The following ZRSR2 variants were observed in gnomAD, a reference collection of about 807,000 sequenced individuals.
The protein encoded by ZRSR2 is zinc finger CCCH-type, RNA binding motif and serine/arginine rich 2, also known as U2 small nuclear ribonucleoprotein auxiliary factor 35 kDa subunit-related protein 2.
ZRSR2 carries 3 observed loss-of-function variants against 39.4 expected under a neutral mutation model. The observed-to-expected ratio is 0.08, with a 90% CI of 0.03 to 0.20. ZRSR2 has a LOEUF of 0.20. Among genes scored for constraint, ZRSR2 ranks in the 10% least tolerant of loss-of-function variants. The probability of loss-of-function intolerance (pLI) is 1.00; values close to 1 mark genes in which losing one functional copy is unlikely to be tolerated. For synonymous variants in ZRSR2, 137 were observed against 136.0 expected, an observed-to-expected ratio of 1.01 and a Z score of -0.05; for missense variants, 256 against 391.5, an observed-to-expected ratio of 0.65 and a Z score of 2.92.
intron 3 of ZRSR2, among the ~76,000 whole-genome samples, chrX:15,801,943 T>G (rs1384509551): frequency 8.9e-6 from 1 of 112,369 alleles, no homozygotes; most frequent in Non-Finnish European, 1.9e-5. Context: ...TTTTAAAATT[T>G]TTAACATTTT....
In ZRSR2 at chrX:15,809,230, G is replaced by A. The variant is rs1360795309; in HGVS notation, c.469G>A (p.Glu157Lys). The A allele has an allele frequency of 1.7e-6, 2 of 1,209,198 alleles. No homozygotes were observed. The highest frequency in any genetic ancestry group is 2.2e-6 in the Non-Finnish European group (2 of 894,121). Residue 157 changes from glutamate to lysine, a missense_variant, in exon 7 of 11, where the codon GAA becomes AAA. This residue lies in a region of ZRSR2 where 87 missense variants were observed against 111.7 expected (regional missense o/e 0.78). Coordinates refer to ENST00000307771, the MANE Select transcript of ZRSR2 (RefSeq NM_005089.4). ...LENGTTWQNP[E>K]PPVDFRVMEK... ...AAATGGTACCACATGGCAAAACCCA[G>A]AACCACCCGTGGATTTCAGAGTAAT...
intron 7 of ZRSR2, among the ~76,000 whole-genome samples, chrX:15,813,864 G>A (rs1418336881): frequency 9.0e-6 from 1 of 111,141 alleles, no homozygotes; most frequent in Non-Finnish European, 1.9e-5. Flanking sequence ...AAAATTTCAC[G>A]TTAATGAACG....
chrX:15,816,418 A>G (rs949814113), intron 8 of ZRSR2, among the ~76,000 whole-genome samples: 2 of 112,108 alleles, frequency 1.8e-5, no homozygotes, highest in Non-Finnish European at 3.8e-5. Context: ...TCCACCACCT[A>G]ACCCCCTTCT....
chrX:15,800,512 AAAAC>A (rs745435497), intron 3 of ZRSR2, among the ~76,000 whole-genome samples: 149 of 112,100 alleles, frequency 1.3e-3, no homozygotes, highest in African/African-American at 4.6e-3. Context: ...AAACAGAAAA[AAAAC>A]AAAAAAAATT....
chrX:15,808,148 C>A, intron 5 of ZRSR2, 85 bp from the exon 6 acceptor site: 1 of 816,788 alleles, frequency 1.2e-6, no homozygotes, highest in Non-Finnish European at 1.9e-6. Flanking sequence ...TTTAATTGTT[C>A]CACTTGAGAT....
intron 7 of ZRSR2, 36 bp from the exon 8 acceptor site, chrX:15,815,641 T>C (rs376052872): frequency 1.5e-5 from 17 of 1,114,820 alleles, no homozygotes; most frequent in Non-Finnish European, 2.0e-5. Flanking sequence ...TTTCAACTAT[T>C]GGCCTAGTGA....
chrX:15,820,163 T>G, intron 9 of ZRSR2, 44 bp from the exon 10 acceptor site: 1 of 1,050,202 alleles, frequency 9.5e-7, no homozygotes, highest in Non-Finnish European at 1.3e-6. Context: ...ATCTACATAT[T>G]AGGAAGTTAC....
intron 7 of ZRSR2, among the ~76,000 whole-genome samples, chrX:15,811,026 C>T (rs1158512240): frequency 9.2e-6 from 1 of 109,187 alleles, no homozygotes; most frequent in Non-Finnish European, 1.9e-5. Flanking sequence ...GTGTGTATGT[C>T]CTTTTGTATT....
chrX:15,792,143 G>A (rs1296149970), intron 2 of ZRSR2, among the ~76,000 whole-genome samples: 4 of 111,965 alleles, frequency 3.6e-5, no homozygotes, highest in African/African-American at 1.3e-4. Flanking sequence ...TATATGGGCT[G>A]GGCGCGTGGT....
chrX:15,790,855 T>A, intron 1 of ZRSR2, 79 bp from the exon 2 acceptor site: 1 of 971,880 alleles, frequency 1.0e-6, no homozygotes, highest in Non-Finnish European at 1.5e-6. Flanking sequence ...TTTCCTTTCA[T>A]TGGGCACAGA....
chrX:15,822,600 C>G, intron 10 of ZRSR2, 131 bp from the exon 11 acceptor site: 2 of 1,100,188 alleles, frequency 1.8e-6, no homozygotes, highest in African/African-American at 1.8e-5. Context: ...ATGTAAGCCC[C>G]TTTTACATAA....
chrX:15,794,315 G>A (rs1932377704), intron 2 of ZRSR2, among the ~76,000 whole-genome samples: 1 of 110,578 alleles, frequency 9.0e-6, no homozygotes, highest in Non-Finnish European at 1.9e-5. Context: ...GTGGGAGTTA[G>A]GGGACTCTGA....
rs1286910196 is a variant in ZRSR2 at position 15,809,252 on chromosome X, T to G, written c.491T>G (p.Val164Gly). 1 of 1,209,451 alleles carries G rather than the reference T, an allele frequency of 8.3e-7. No individual in the cohort carries two copies. Among genetic ancestry groups the G allele is most frequent in the African/African-American group, 1.7e-5 (1 of 57,268 alleles). The stretch of plus-strand genomic sequence containing the variant: ...CCAGAACCACCCGTGGATTTCAGAG[T>G]AATGGAGAAGGATCGAGCTAATTGT... ...QNPEPPVDFRVMEKDRANCPF... is the reference protein window; with the variant it reads ...QNPEPPVDFRGMEKDRANCPF... The change falls in exon 7 of 11, where the codon GTA (valine) becomes GGA (glycine). Residue 164 changes from valine (V) to glycine (G), a missense_variant. Transcript: ENST00000307771.
intron 5 of ZRSR2, among the ~76,000 whole-genome samples, chrX:15,807,885 CAAAAGTTA>C (rs1932823249): frequency 9.2e-6 from 1 of 108,570 alleles, no homozygotes; most frequent in African/African-American, 3.4e-5. Flanking sequence ...ACAGAAAATA[CAAAAGTTA>C]TCCAGGCGTG....
chrX:15,807,489 C>T (rs182454133), intron 5 of ZRSR2, among the ~76,000 whole-genome samples: 18 of 107,851 alleles, frequency 1.7e-4, no homozygotes, highest in African/African-American at 6.1e-4. Context: ...GGGGTTTCAC[C>T]GTCTTGGCCA....
At chrX:15,810,214 G>A (rs1932858167) in intron 7 of ZRSR2, among the ~76,000 whole-genome samples, 1 of 111,982 alleles carries the variant, frequency 8.9e-6, no homozygotes, top group Non-Finnish European at 1.9e-5. Flanking sequence ...ACGTTCATGT[G>A]GAAACCTAGT....
intron 3 of ZRSR2, among the ~76,000 whole-genome samples, chrX:15,800,442 C>T (rs1400161465): frequency 9.1e-6 from 1 of 110,214 alleles, no homozygotes; most frequent in Non-Finnish European, 1.9e-5. Context: ...CTGCCTCAGC[C>T]TCCCAAAGTG....
intron 7 of ZRSR2, among the ~76,000 whole-genome samples, chrX:15,813,900 A>G (rs1457904071): frequency 1.1e-4 from 12 of 111,034 alleles, no homozygotes; most frequent in African/African-American, 3.3e-4. Context: ...TGAGCTGAGC[A>G]TGGTGTATGC....
chrX:15,813,902 G>A (rs777166491), intron 7 of ZRSR2, among the ~76,000 whole-genome samples: 1 of 110,861 alleles, frequency 9.0e-6, no homozygotes, highest in Non-Finnish European at 1.9e-5. Flanking sequence ...AGCTGAGCAT[G>A]GTGTATGCTG....
Sources: gnomAD v4.1 joint callset for allele counts (sites outside exome capture counted in the v4.1 genomes callset) on GRCh38, gnomAD v4.1.1 for gene constraint, gnomAD v4.1.1 regional missense constraint, MANE v1.5 for transcripts, NCBI Gene and HGNC (gene_info 2026-07-23, HGNC 2026-07-21) for gene names.